Variants in CSMD1 observed in about 807,000 individuals in gnomAD.
The protein encoded by CSMD1 is CUB and sushi domain-containing protein 1.
CSMD1 carries 213 observed loss-of-function variants against 417.5 expected under a neutral mutation model. The ratio of observed to expected loss-of-function variants is 0.51; its 90% CI spans 0.46 to 0.57. CSMD1 has a LOEUF of 0.57. Ranked by LOEUF, CSMD1 falls within the 20% of genes least tolerant of loss-of-function variation. The pLI is 0.00. For synonymous variants in CSMD1, 2,862 were observed against 1,736.8 expected (o/e 1.65, Z -16.11); for missense variants, 6,923 against 4,529.7 (o/e 1.53, Z -15.17).
At chr8:3,102,968 G>T (rs189106487) in intron 46 of CSMD1, among the ~76,000 whole-genome samples, 7 of 152,186 alleles carry the variant, frequency 4.6e-5, no homozygotes, top group Non-Finnish European at 8.8e-5. Flanking sequence ...AGTTTATTGG[G>T]GTCTAAAGGA....
intron 41 of CSMD1, among the ~76,000 whole-genome samples, chr8:3,132,561 C>A (rs942728378): frequency 6.6e-6 from 1 of 152,120 alleles, no homozygotes; most frequent in Non-Finnish European, 1.5e-5. Context: ...GACACCACCC[C>A]AAAATATGAC....
intron 3 of CSMD1, among the ~76,000 whole-genome samples, chr8:4,081,270 C>G (rs1800115591): frequency 6.6e-6 from 1 of 152,122 alleles, no homozygotes; most frequent in Non-Finnish European, 1.5e-5. Flanking sequence ...TTGAAATACG[C>G]CCAGCGATTC....
chr8:4,171,278 G>T lies in CSMD1; in HGVS notation c.416-139179C>A, dbSNP rs190364789. On this transcript the variant is annotated intron_variant, in intron 3 of 69. Coordinates refer to ENST00000635120, the MANE Select transcript of CSMD1 (RefSeq NM_033225.6). ...GTTTTCCTAACTCATTCATTCACCT[G>T]GCATTTATTGTAAGCAACCCTACGC... Among the ~76,000 whole-genome samples the T allele has an allele frequency of 7.9e-5, 12 of 151,944 alleles. 2 individuals are homozygous for T. Among genetic ancestry groups the T allele is most frequent in the African/African-American group, 2.9e-4 (12 of 41,250 alleles).
At chr8:4,237,189 T>C (rs903055208) in intron 3 of CSMD1, among the ~76,000 whole-genome samples, 3 of 152,204 alleles carry the variant, frequency 2.0e-5, no homozygotes, top group African/African-American at 7.2e-5. Context: ...CCTTTCCATA[T>C]TTGCACCAAC....
At chr8:3,393,685 T>C (rs1811486051) in intron 17 of CSMD1, among the ~76,000 whole-genome samples, 1 of 151,938 alleles carries the variant, frequency 6.6e-6, no homozygotes, top group Admixed American at 6.6e-5. Context: ...TCATGTCTTT[T>C]GTAGGGACAT....
chr8:4,459,829 T>G (rs1799700954), intron 2 of CSMD1, among the ~76,000 whole-genome samples: 2 of 152,230 alleles, frequency 1.3e-5, no homozygotes, highest in Admixed American at 6.5e-5. Context: ...TTTGTGTCAC[T>G]GGGCCTAGAT....
At chr8:3,872,500 G>A (rs950665392) in intron 5 of CSMD1, among the ~76,000 whole-genome samples, 2 of 152,198 alleles carry the variant, frequency 1.3e-5, no homozygotes, top group Non-Finnish European at 2.9e-5. Flanking sequence ...GCTCCCTGGT[G>A]CCTGAACTAG....
At chr8:3,491,926 C>A (rs1230786477) in intron 11 of CSMD1, among the ~76,000 whole-genome samples, 1 of 152,152 alleles carries the variant, frequency 6.6e-6, no homozygotes, top group African/African-American at 2.4e-5. Flanking sequence ...TCCAGGGGAC[C>A]TGAGGATCCG....
chr8:4,911,214 C>A (rs1805648595), intron 1 of CSMD1, among the ~76,000 whole-genome samples: 1 of 152,182 alleles, frequency 6.6e-6, no homozygotes, highest in South Asian at 2.1e-4. Flanking sequence ...TTGGCTTTTC[C>A]TCAAATTCTG....
chr8:3,024,940 G>A (rs145855271), intron 51 of CSMD1, among the ~76,000 whole-genome samples: 3 of 151,952 alleles, frequency 2.0e-5, no homozygotes, highest in East Asian at 3.9e-4. Flanking sequence ...CTGTGCCTTG[G>A]ATACACGTGC....
At chr8:3,522,337 T>G (rs1012262600) in intron 10 of CSMD1, among the ~76,000 whole-genome samples, 3 of 152,240 alleles carry the variant, frequency 2.0e-5, no homozygotes, top group Non-Finnish European at 4.4e-5. Flanking sequence ...AAGGATATCT[T>G]TTGACTTAAC....
chr8:4,463,741 TG>T (rs1428737670), intron 2 of CSMD1, among the ~76,000 whole-genome samples: 3 of 152,200 alleles, frequency 2.0e-5, no homozygotes, highest in Admixed American at 2.0e-4. Flanking sequence ...CTTTGGGCCG[TG>T]GGGCTGAGGG....
intron 26 of CSMD1, among the ~76,000 whole-genome samples, chr8:3,271,912 T>C (rs566106924): frequency 7.9e-4 from 121 of 152,344 alleles, no homozygotes; most frequent in African/African-American, 2.9e-3. Context: ...TTTCTTTTGC[T>C]GTGCAGAAGC....
chr8:4,146,837 C>A lies in CSMD1; in HGVS notation c.416-114738G>T, dbSNP rs1585418181. ...GTGTTAGGCAGGATAGTCTCGATCTCCTGACCTCGTGATCCGCCCGCCTCA... is the reference window on the plus strand; with the variant it reads ...GTGTTAGGCAGGATAGTCTCGATCTACTGACCTCGTGATCCGCCCGCCTCA... On this transcript the variant is annotated intron_variant, in intron 3 of 69. Transcript: ENST00000635120. Among the ~76,000 whole-genome samples, 2 of 149,716 alleles carry A rather than the reference C, an allele frequency of 1.3e-5. 1 individual carries two copies. Among genetic ancestry groups the A allele is most frequent in the African/African-American group, 5.1e-5 (2 of 39,386 alleles).
At chr8:3,865,270 T>C (rs1201376973) in intron 5 of CSMD1, among the ~76,000 whole-genome samples, 2 of 152,232 alleles carry the variant, frequency 1.3e-5, no homozygotes, top group African/African-American at 4.8e-5. Context: ...AAGTTACTTC[T>C]GCCTCACATC....
chr8:4,192,294 A>ATAGTT (rs1426817218), intron 3 of CSMD1, among the ~76,000 whole-genome samples: 1 of 152,224 alleles, frequency 6.6e-6, no homozygotes, highest in Non-Finnish European at 1.5e-5. Flanking sequence ...TAATAGTTTC[A>ATAGTT]TAAAGTATGC....
chr8:3,558,700 G>A lies in CSMD1; in HGVS notation c.1344+16245C>T, dbSNP rs1434323268. Among the ~76,000 whole-genome samples, 39 of 123,716 alleles carry A rather than the reference G, an allele frequency of 3.2e-4. No individual in the cohort carries two copies. In the South Asian group the frequency reaches 3.8e-3, roughly 12 times the overall value. The allele number at this position is 123,716 out of a possible 152,430, so 81.2% of individuals were successfully genotyped here. ...TCAATGGTACCCCGTGTCCACTCCC[G>A]CAATGATGAATAGTGCTTCAGTAGT... On this transcript the variant is annotated intron_variant, in intron 10 of 69. Coordinates refer to ENST00000635120, the MANE Select transcript of CSMD1 (RefSeq NM_033225.6).
intron 6 of CSMD1, among the ~76,000 whole-genome samples, chr8:3,718,325 G>T (rs551803828): frequency 6.6e-5 from 10 of 151,966 alleles, no homozygotes; most frequent in South Asian, 6.2e-4. Flanking sequence ...TGATGTCCTT[G>T]AATAGGGACT....
chr8:3,782,387 A>G (rs1346844817), intron 5 of CSMD1, among the ~76,000 whole-genome samples: 1 of 152,214 alleles, frequency 6.6e-6, no homozygotes, highest in African/African-American at 2.4e-5. Context: ...CTGAATAATC[A>G]CGATAAACTA....
Sources: allele counts gnomAD v4.1 joint callset (sites outside exome capture counted in the v4.1 genomes callset), GRCh38; gene constraint gnomAD v4.1.1; transcripts MANE v1.5; gene names NCBI Gene and HGNC (gene_info 2026-07-23, HGNC 2026-07-21).